Variants in HIVEP3 observed in about 807,000 individuals in gnomAD.
HIVEP3 encodes the protein HIVEP zinc finger 3.
Under a neutral mutation model 152.8 loss-of-function variants are expected in HIVEP3, and 49 were observed. The ratio of observed to expected loss-of-function variants is 0.32; its 90% CI spans 0.26 to 0.41. The LOEUF is 0.41. Ranked by LOEUF, HIVEP3 falls within the 10% of genes least tolerant of loss-of-function variation. HIVEP3 has a pLI of 1.00. For missense variants in HIVEP3, 2,790 were observed against 3,103.3 expected, an observed-to-expected ratio of 0.90 and a Z score of 2.40; for synonymous variants, 1,269 against 1,289.0, an observed-to-expected ratio of 0.98 and a Z score of 0.33.
At chr1:41,799,176 C>G (rs1292556795) in intron 1 of HIVEP3, among the ~76,000 whole-genome samples, 2 of 152,212 alleles carry the variant, frequency 1.3e-5, no homozygotes, top group Admixed American at 6.5e-5. Context: ...TAATGCCTCT[C>G]AGGCCACTAG....
At chr1:41,573,144 T>A (rs1644275463) in intron 5 of HIVEP3, among the ~76,000 whole-genome samples, 1 of 152,132 alleles carries the variant, frequency 6.6e-6, no homozygotes, top group African/African-American at 2.4e-5. Context: ...GTTTGTTGTA[T>A]TAAAAAAGAA....
chr1:41,627,876 G>A (rs4999015), intron 3 of HIVEP3, among the ~76,000 whole-genome samples: 88,493 of 151,050 alleles, frequency 0.59, 27,366 homozygotes, highest in African/African-American at 0.79. Context: ...CCCTCCCTCC[G>A]TCCATCCCTC....
intron 5 of HIVEP3, among the ~76,000 whole-genome samples, chr1:41,568,410 G>A (rs1184735487): frequency 6.6e-6 from 1 of 152,258 alleles, no homozygotes; most frequent in African/African-American, 2.4e-5. Flanking sequence ...AAAGCCCAGG[G>A]AGCAGGGCGA....
intron 2 of HIVEP3, among the ~76,000 whole-genome samples, chr1:41,648,968 TCAGAGCC>T (rs1645504021): frequency 2.0e-5 from 3 of 152,254 alleles, no homozygotes; most frequent in Non-Finnish European, 4.4e-5. Flanking sequence ...GCTCAAGTGC[TCAGAGCC>T]TCTGCGTCCT....
chr1:41,534,843 G>A (rs1179871331), intron 5 of HIVEP3, among the ~76,000 whole-genome samples: 2 of 152,174 alleles, frequency 1.3e-5, no homozygotes, highest in African/African-American at 2.4e-5. Flanking sequence ...GGGCGCATAC[G>A]CTGCCCACCT....
intron 1 of HIVEP3, among the ~76,000 whole-genome samples, chr1:41,895,076 G>T (rs145858340): frequency 2.8e-4 from 42 of 151,690 alleles, no homozygotes; most frequent in African/African-American, 9.9e-4. Context: ...CATAAGATAA[G>T]CCCCACGCTG....
At chr1:41,837,199 A>G (rs939338912) in intron 1 of HIVEP3, among the ~76,000 whole-genome samples, 6 of 152,218 alleles carry the variant, frequency 3.9e-5, no homozygotes, top group African/African-American at 1.4e-4. Flanking sequence ...ACACATCTGC[A>G]CAGCTGCTTC....
In HIVEP3 at chr1:41,677,005, C is replaced by T. The variant is rs572687050; in HGVS notation, c.-721+23911G>A. ...CTGTGTTATGCCGTGTGGAGGATGACGCCCAAAAGCAGCAGATGAGACTGA... is the reference window on the plus strand; with the variant it reads ...CTGTGTTATGCCGTGTGGAGGATGATGCCCAAAAGCAGCAGATGAGACTGA... On this transcript the variant is annotated intron_variant, in intron 2 of 8. Coordinates refer to ENST00000372583, the MANE Select transcript of HIVEP3 (RefSeq NM_024503.5). 4.6e-5 allele frequency among the ~76,000 whole-genome samples: 7 copies of T among 150,658 alleles called. No homozygotes were observed. The East Asian group carries it at 5.9e-4, about 13-fold the overall frequency.
intron 5 of HIVEP3, among the ~76,000 whole-genome samples, chr1:41,545,087 T>TACC (rs1323741968): frequency 6.9e-5 from 3 of 43,472 alleles, no homozygotes; most frequent in Admixed American, 2.2e-4. Flanking sequence ...TCACCACCTC[T>TACC]ACCATCGCTA....
intron 2 of HIVEP3, among the ~76,000 whole-genome samples, chr1:41,681,809 G>A (rs183296679): frequency 6.2e-4 from 94 of 152,280 alleles, no homozygotes; most frequent in Non-Finnish European, 1.2e-3. Flanking sequence ...TTGTGACTAT[G>A]TCCCCTCCTC....
At chr1:41,890,595 A>G (rs1007387488) in intron 1 of HIVEP3, among the ~76,000 whole-genome samples, 1 of 152,222 alleles carries the variant, frequency 6.6e-6, no homozygotes, top group African/African-American at 2.4e-5. Context: ...TAATCCTTGG[A>G]CCATTTTACA....
rs1644456164 is a variant in HIVEP3 at position 41,583,611 on chromosome 1, C to T, written c.1187G>A (p.Arg396His). 3.7e-6 allele frequency: 6 copies of T among 1,614,122 alleles called. No individual in the cohort carries two copies. The highest frequency in any genetic ancestry group is 1.1e-5 in the South Asian group (1 of 91,076). The change falls in exon 4 of 9, where the codon CGC becomes CAC. Residue 396 changes from arginine (R) to histidine (H), a missense_variant. Arg to His is a conservative substitution (Grantham distance 29, BLOSUM62 0). Coordinates refer to ENST00000372583, the MANE Select transcript of HIVEP3 (RefSeq NM_024503.5). This position sits in a 1 kb window ranked among gnomAD's most constrained non-coding sequence, Gnocchi z 6.9. ...GACCTGCTGCTCTGCACTCTCGGAG[C>T]GAGAGAAATACCCAGACTCAGTACT... ...KGSTESGYFS[R>H]SESAEQQVSP... is the part of the protein sequence containing the mutation.
At chr1:41,814,696 G>A (rs1651160181) in intron 1 of HIVEP3, among the ~76,000 whole-genome samples, 1 of 152,162 alleles carries the variant, frequency 6.6e-6, no homozygotes, top group Non-Finnish European at 1.5e-5. Flanking sequence ...ATTTGCAACT[G>A]AAAGCTTTAT....
In HIVEP3 at chr1:41,583,133, G is replaced by A. The variant is rs748240870; in HGVS notation, c.1665C>T (p.His555=). The A allele has an allele frequency of 1.2e-6, 2 of 1,613,468 alleles. No individual in the cohort carries two copies. The highest frequency in any genetic ancestry group is 1.7e-5 in the Admixed American group (1 of 59,980). The change falls in exon 4 of 9, where the codon CAC becomes CAT. Residue 555 remains histidine, a synonymous_variant. Transcript: ENST00000372583. The surrounding 1 kb of genome is among the most constrained non-coding windows in gnomAD (Gnocchi z 6.9). ...SAACTISTPH[H]PFRGSYSFDD... The stretch of plus-strand genomic sequence containing the variant: ...CGAAGGAGTAGCTACCTCGGAAGGG[G>A]TGGTGGGGGGTGCTGATAGTGCAGG...
intron 1 of HIVEP3, among the ~76,000 whole-genome samples, chr1:41,947,980 C>T (rs1480121712): frequency 5.3e-5 from 8 of 152,246 alleles, no homozygotes; most frequent in Non-Finnish European, 5.9e-5. Context: ...AGGCCAGTGC[C>T]GCGACTGCGC....
chr1:42,014,132 T>G (rs1277940877), intron 1 of HIVEP3, among the ~76,000 whole-genome samples: 1 of 152,166 alleles, frequency 6.6e-6, no homozygotes, highest in Non-Finnish European at 1.5e-5. Context: ...ATCTTCATTT[T>G]GGCACTGCCA....
chr1:41,745,572 G>A (rs758034054), intron 1 of HIVEP3, among the ~76,000 whole-genome samples: 39 of 152,206 alleles, frequency 2.6e-4, no homozygotes, highest in Non-Finnish European at 4.6e-4. Context: ...GAGAGCACAG[G>A]GCAGAGGAGA....
intron 5 of HIVEP3, among the ~76,000 whole-genome samples, chr1:41,535,027 G>A (rs925010647): frequency 3.3e-5 from 5 of 152,084 alleles, no homozygotes; most frequent in Admixed American, 2.6e-4. Context: ...GGCATCACTC[G>A]ATCCTCCCAT....
intron 1 of HIVEP3, among the ~76,000 whole-genome samples, chr1:41,942,295 T>G (rs544044344): frequency 6.6e-6 from 1 of 152,344 alleles, no homozygotes; most frequent in East Asian, 1.9e-4. Context: ...CTCCTTGATC[T>G]TTTCATCCTT....
Sources: allele counts gnomAD v4.1 joint callset (sites outside exome capture counted in the v4.1 genomes callset), GRCh38; gene constraint gnomAD v4.1.1; non-coding constraint Gnocchi (gnomAD v3.1); transcripts MANE v1.5; gene names NCBI Gene and HGNC (gene_info 2026-07-23, HGNC 2026-07-21).